DHX33: variants seen among roughly 807,000 people sequenced by gnomAD.
DHX33 encodes the protein ATP-dependent RNA helicase DHX33.
A neutral mutation model predicts 72.5 loss-of-function variants in DHX33; 42 were observed. The ratio of observed to expected loss-of-function variants is 0.58; its 90% CI spans 0.45 to 0.75. The LOEUF (loss-of-function observed/expected upper bound fraction) is 0.75. DHX33 is among the 30% of genes least tolerant of loss of function. The pLI, the probability that DHX33 is intolerant of heterozygous loss-of-function variation, is 0.00. For missense variants in DHX33, 842 were observed against 917.5 expected (o/e 0.92, Z 1.06); for synonymous variants, 358 against 366.1 (o/e 0.98, Z 0.25).
chr17:5,447,701 T>C (rs1278154255), intron 11 of DHX33, among the ~76,000 whole-genome samples: 1 of 152,214 alleles, frequency 6.6e-6, no homozygotes, highest in Non-Finnish European at 1.5e-5. Context: ...TTCCCCCATC[T>C]AGAAATTCAT....
At chr17:5,466,926 T>G (rs1904895723) in intron 1 of DHX33, among the ~76,000 whole-genome samples, 1 of 152,324 alleles carries the variant, frequency 6.6e-6, no homozygotes, top group Non-Finnish European at 1.5e-5. Context: ...GTAAGGAAAG[T>G]AAAGTACACT....
chr17:5,466,602 G>A lies in DHX33; in HGVS notation c.289+1969C>T, dbSNP rs1456550027. On this transcript the variant is annotated intron_variant, in intron 1 of 11. Coordinates refer to ENST00000225296, the MANE Select transcript of DHX33 (RefSeq NM_020162.4). Reference sequence around the variant, plus strand: ...GTGAAAGTCATGAAAAATTTTATGAGAGGAAATGTATGCAAGAAATGTTTT... The same window carrying A: ...GTGAAAGTCATGAAAAATTTTATGAAAGGAAATGTATGCAAGAAATGTTTT... Among the ~76,000 whole-genome samples, 2 of 152,194 alleles carry A rather than the reference G, an allele frequency of 1.3e-5. 1 individual carries two copies. The highest frequency in any genetic ancestry group is 3.8e-4 in the East Asian group (2 of 5,202).
At position 5,444,890 on chromosome 17, in the gene DHX33, G is replaced by A. The variant is rs1337835891; in HGVS notation, c.1816-377C>T. 6.6e-6 allele frequency among the ~76,000 whole-genome samples: 1 copy of A among 152,014 alleles called. No homozygotes were observed. Among genetic ancestry groups the A allele is most frequent in the Middle Eastern group, 3.2e-3 (1 of 316 alleles). On this transcript the variant is annotated intron_variant, in intron 11 of 11. Coordinates refer to ENST00000225296, the MANE Select transcript of DHX33 (RefSeq NM_020162.4). The surrounding 1 kb of genome is among the most constrained non-coding windows in gnomAD (Gnocchi z 4.9). ...GACCATCTCACCATCTCCTCACTCC[G>A]ATTCACCCACCTGCTGCTGCCAAGC...
rs1322646032 is a variant in DHX33, at chr17:5,450,830, G to A, written c.1501C>T (p.Pro501Ser). 1 of 1,614,090 alleles carries A rather than the reference G, an allele frequency of 6.2e-7. No homozygotes were observed. ...ACTTTGGCAAATTTGGGTTCTAAAG[G>A]AAATGCTGCCATCTTTCTTCCCATT... The part of the protein sequence containing the change: ...TPMGRKMAAF[P>S]LEPKFAKTIL... The change falls in exon 9 of 12, where the codon CCT becomes TCT. Residue 501 changes from proline to serine, a missense_variant. Physicochemically the swap from Pro to Ser is moderately conservative, Grantham distance 74 (BLOSUM62 -1). Coordinates refer to ENST00000225296, the MANE Select transcript of DHX33 (RefSeq NM_020162.4).
At chr17:5,459,993 G>T (rs1904506194) in intron 4 of DHX33, among the ~76,000 whole-genome samples, 1 of 145,550 alleles carries the variant, frequency 6.9e-6, no homozygotes, top group East Asian at 2.0e-4. Context: ...TATAGCGTAC[G>T]GGGTTGCAAA....
At position 5,462,391 on chromosome 17, in the gene DHX33, G is replaced by A. The variant is rs1326819491; in HGVS notation, c.606C>T (p.His202=). 3 of 1,614,056 alleles carry A rather than the reference G, an allele frequency of 1.9e-6. No individual in the cohort carries two copies. The highest frequency in any genetic ancestry group is 2.7e-5 in the African/African-American group (2 of 74,918). The stretch of plus-strand genomic sequence containing the variant: ...TCACCACTCCAAAGAGCACATCTGT[G>A]TGGATAGTCCGTTCGTGAGCTTCAT... The part of the protein sequence containing the change: ...ILDEAHERTI[H]TDVLFGVVKA... Residue 202 remains histidine, a synonymous_variant, in exon 3 of 12, where the codon CAC becomes CAT. Coordinates refer to ENST00000225296, the MANE Select transcript of DHX33 (RefSeq NM_020162.4).
At chr17:5,453,742 T>C in intron 7 of DHX33, 74 bp from the exon 8 acceptor site, 1 of 1,612,254 alleles carries the variant, frequency 6.2e-7, no homozygotes, top group Non-Finnish European at 8.5e-7. Flanking sequence ...TGGTGGAGTG[T>C]GAGTAAAAAC....
chr17:5,460,080 T>C (rs1904513923), intron 4 of DHX33, among the ~76,000 whole-genome samples: 1 of 151,186 alleles, frequency 6.6e-6, no homozygotes, highest in African/African-American at 2.4e-5. Flanking sequence ...AGTGGCGCGA[T>C]CTCGGCTCAC....
At chr17:5,462,002 T>C (rs1365939700) in intron 3 of DHX33, among the ~76,000 whole-genome samples, 2 of 149,162 alleles carry the variant, frequency 1.3e-5, no homozygotes, top group Non-Finnish European at 3.0e-5. Flanking sequence ...TGCAGTGGTG[T>C]GATCTCAGCT....
intron 1 of DHX33, among the ~76,000 whole-genome samples, chr17:5,464,265 G>A (rs1904770039): frequency 6.6e-6 from 1 of 152,162 alleles, no homozygotes; most frequent in African/African-American, 2.4e-5. Context: ...GAGAGGTTGA[G>A]GCTGCAGTGA....
At chr17:5,467,400 A>G (rs1326140947) in intron 1 of DHX33, among the ~76,000 whole-genome samples, 1 of 152,144 alleles carries the variant, frequency 6.6e-6, no homozygotes, top group Non-Finnish European at 1.5e-5. Flanking sequence ...CCTCCTTTTT[A>G]TAACTATAGG....
chr17:5,456,967 A>G (rs1320506875), intron 4 of DHX33, among the ~76,000 whole-genome samples: 2 of 152,206 alleles, frequency 1.3e-5, no homozygotes, highest in African/African-American at 2.4e-5. Flanking sequence ...TTCAAATGGA[A>G]CAACACCCAA....
chr17:5,459,007 G>T (rs910254271), intron 4 of DHX33, among the ~76,000 whole-genome samples: 6 of 152,134 alleles, frequency 3.9e-5, no homozygotes, highest in Admixed American at 1.3e-4. Flanking sequence ...AGACCAGTCC[G>T]GGCAACGTAG....
rs564685265 is a variant in DHX33 at position 5,468,733 on chromosome 17, T to C, written c.127A>G (p.Arg43Gly). ...VMLLTAGSGG[R>G]GGGGGRRQQP... is the part of the protein sequence containing the mutation. Reference sequence around the variant, plus strand: ...TGCCTCCGGCCTCCTCCTCCTCCTCTGCCGCCGCTGCCCGCAGTCAGCAGC... The same window carrying C: ...TGCCTCCGGCCTCCTCCTCCTCCTCCGCCGCCGCTGCCCGCAGTCAGCAGC... The change falls in exon 1 of 12, where the codon AGA becomes GGA. Residue 43 changes from arginine (R) to glycine (G), a missense_variant. Coordinates refer to ENST00000225296, the MANE Select transcript of DHX33 (RefSeq NM_020162.4). 6.2e-7 allele frequency: 1 copy of C among 1,610,714 alleles called. No individual in the cohort carries two copies. The highest frequency in any genetic ancestry group is 1.1e-5 in the South Asian group (1 of 90,826).
At chr17:5,450,675 T>C in intron 9 of DHX33, 132 bp downstream of exon 9, 7 of 1,376,726 alleles carry the variant, frequency 5.1e-6, no homozygotes, top group African/African-American at 1.4e-5. Context: ...TCAGGGCTAT[T>C]TGCAAACTAG....
At chr17:5,466,414 C>A (rs1231480263) in intron 1 of DHX33, among the ~76,000 whole-genome samples, 1 of 152,146 alleles carries the variant, frequency 6.6e-6, no homozygotes, top group Admixed American at 6.6e-5. Context: ...CGAGCAGCAT[C>A]CATAAAGTTT....
chr17:5,454,248 T>G (rs748882486), intron 6 of DHX33, among the ~76,000 whole-genome samples: 12 of 152,168 alleles, frequency 7.9e-5, no homozygotes, highest in Non-Finnish European at 1.3e-4. Context: ...AAGAGTAGTT[T>G]CCGAGGTCTT....
chr17:5,448,834 GCT>G lies in DHX33; in HGVS notation c.1788_1789del (p.Arg596SerfsTer74). 1.2e-6 allele frequency: 2 copies of G among 1,612,566 alleles called. No individual in the cohort carries two copies. Among genetic ancestry groups the G allele is most frequent in the Non-Finnish European group, 1.7e-6 (2 of 1,179,328 alleles). ...CTTTAAGCAGATGTCCCTCAGCTGT[GCT>G]CTGACTTCTGCTACCAGCGTCATAT... is the stretch of plus-strand genomic sequence containing the variant. On this transcript the variant is annotated frameshift_variant, in exon 11 of 12. Transcript: ENST00000225296. LOFTEE classifies it high-confidence loss of function.
At chr17:5,465,678 T>C (rs1322189656) in intron 1 of DHX33, among the ~76,000 whole-genome samples, 1 of 152,206 alleles carries the variant, frequency 6.6e-6, no homozygotes, top group African/African-American at 2.4e-5. Context: ...ATAATCTGGC[T>C]GTGCAGAAGC....
Sources: gnomAD v4.1 joint callset for allele counts (sites outside exome capture counted in the v4.1 genomes callset) on GRCh38, gnomAD v4.1.1 for gene constraint, Gnocchi (gnomAD v3.1) non-coding constraint, MANE v1.5 for transcripts, NCBI Gene and HGNC (gene_info 2026-07-23, HGNC 2026-07-21) for gene names.